THSD1: variants seen among roughly 807,000 people sequenced by gnomAD.
The protein encoded by THSD1 is thrombospondin type-1 domain-containing protein 1.
THSD1 carries 34 observed loss-of-function variants against 46.3 expected under a neutral mutation model. The observed-to-expected ratio is 0.74, with a 90% CI of 0.56 to 0.98. THSD1 has a LOEUF of 0.98. Among genes scored for constraint, THSD1 ranks in the 50% least tolerant of loss-of-function variants. The probability of loss-of-function intolerance (pLI) is 0.00; values close to 1 mark genes in which losing one functional copy is unlikely to be tolerated. For synonymous variants in THSD1, 407 were observed against 416.5 expected (o/e 0.98, Z 0.28); for missense variants, 1,023 against 1,058.3 (o/e 0.97, Z 0.46).
chr13:52,390,819 T>C (rs1395193922), intron 3 of THSD1, among the ~76,000 whole-genome samples: 2 of 152,214 alleles, frequency 1.3e-5, no homozygotes, highest in Non-Finnish European at 2.9e-5. Flanking sequence ...TTGTTGTTCC[T>C]TCTGAACTCT....
chr13:52,402,662 AT>A lies in THSD1; in HGVS notation c.-63del. 3.1e-6 allele frequency: 5 copies of A among 1,596,876 alleles called. No individual in the cohort carries two copies. The highest frequency in any genetic ancestry group is 3.5e-5 in the Admixed American group (2 of 57,864). The stretch of plus-strand genomic sequence containing the variant: ...TGTCCTTTCTCACGTCCAGATTGTG[AT>A]TTTTTTCCCCAAAAACACCTGAAAT... On this transcript the variant is annotated 5_prime_UTR_variant, in exon 2 of 5. Coordinates refer to ENST00000258613, the MANE Select transcript of THSD1 (RefSeq NM_018676.4).
intron 1 of THSD1, among the ~76,000 whole-genome samples, chr13:52,403,647 A>G (rs1179714802): frequency 2.0e-5 from 3 of 152,018 alleles, no homozygotes; most frequent in Admixed American, 2.0e-4. Context: ...ATGCCCAGCT[A>G]ATTTTTGGTA....
intron 3 of THSD1, among the ~76,000 whole-genome samples, chr13:52,394,628 AAG>A (rs1354396191): frequency 1.3e-5 from 2 of 152,094 alleles, no homozygotes; most frequent in Non-Finnish European, 2.9e-5. Context: ...AAAAAAAAAA[AAG>A]AATATCTTAG....
At chr13:52,387,451 A>G (rs1957741066) in intron 3 of THSD1, among the ~76,000 whole-genome samples, 1 of 152,314 alleles carries the variant, frequency 6.6e-6, no homozygotes, top group African/African-American at 2.4e-5. Context: ...AAAAGCAAGG[A>G]AAAAAACCAT....
rs1330363210 is a variant in THSD1, at chr13:52,406,089, G to C, written c.-140C>G. 1 of 152,284 alleles carries C rather than the reference G, an allele frequency of 6.6e-6. No homozygotes were observed. The highest frequency in any genetic ancestry group is 1.5e-5 in the Non-Finnish European group (1 of 68,096). 9.4% of individuals were successfully genotyped at this position (152,284 alleles called of 1,614,324 possible). On this transcript the variant is annotated 5_prime_UTR_variant, in exon 1 of 5. Coordinates refer to ENST00000258613, the MANE Select transcript of THSD1 (RefSeq NM_018676.4). ...TCCGGGCGCGTGGCGAGGCGGACGG[G>C]AAGGCTCAGGGGCGGCGAGGTAGAG...
Position 52,378,341 on chromosome 13 carries a change from T to C in THSD1, c.1629A>G (p.Lys543=). 1 of 1,614,158 alleles carries C rather than the reference T, an allele frequency of 6.2e-7. No homozygotes were observed. The highest frequency in any genetic ancestry group is 1.3e-5 in the African/African-American group (1 of 75,042). ...AQQQLKEMKK[K]GLTETTKVYH... is the part of the protein sequence containing the mutation. The stretch of plus-strand genomic sequence containing the variant: ...ACACTTTGGTAGTTTCCGTCAGACC[T>C]TTCTTTTTCATCTCCTTTAACTGCT... Residue 543 remains lysine, a synonymous_variant, in exon 5 of 5, where the codon AAA becomes AAG. Transcript: ENST00000258613.
Position 52,386,194 on chromosome 13 carries a change from G to T in THSD1, c.1022-8C>A. ...GCCACAGTCCCCAAGTTTCTGCAAG[G>T]ATATAAGTTATGCTTTTAATGCTAG... is the stretch of plus-strand genomic sequence containing the variant. On this transcript the variant is annotated splice_region_variant and splice_polypyrimidine_tract_variant and intron_variant, in intron 3 of 4. Coordinates refer to ENST00000258613, the MANE Select transcript of THSD1 (RefSeq NM_018676.4). The T allele has an allele frequency of 1.2e-6, 2 of 1,612,996 alleles. No individual in the cohort carries two copies. Among genetic ancestry groups the T allele is most frequent in the Non-Finnish European group, 1.7e-6 (2 of 1,179,472 alleles).
intron 4 of THSD1, among the ~76,000 whole-genome samples, chr13:52,382,838 T>C (rs1233628577): frequency 6.6e-6 from 1 of 151,990 alleles, no homozygotes; most frequent in Non-Finnish European, 1.5e-5. Context: ...TCGTCTCTAC[T>C]AAAAATACAA....
intron 3 of THSD1, among the ~76,000 whole-genome samples, chr13:52,391,390 G>T (rs1417003714): frequency 6.6e-6 from 1 of 151,728 alleles, no homozygotes; most frequent in African/African-American, 2.4e-5. Context: ...GCTAATTTTT[G>T]CATTTTCTGT....
Position 52,378,181 on chromosome 13 carries a change from C to A in THSD1, c.1789G>T (p.Val597Phe). The A allele has an allele frequency of 6.2e-7, 1 of 1,614,210 alleles. No individual in the cohort carries two copies. The highest frequency in any genetic ancestry group is 8.5e-7 in the Non-Finnish European group (1 of 1,180,042). The part of the protein sequence containing the change: ...IKSPFPEQPA[V>F]SAGERPPSRL... ...GAGGGAGGCCTTTCCCCGGCACTGA[C>A]CGCGGGCTGCTCCGGAAATGGGGAT... Residue 597 changes from valine to phenylalanine, a missense_variant, in exon 5 of 5, where the codon GTC becomes TTC. Transcript: ENST00000258613.
Position 52,397,794 on chromosome 13 carries a change from T to C in THSD1, c.459A>G (p.Gln153=). ...GTFQVGLFTS[Q]PLCPFPVDKP... is the part of the protein sequence containing the mutation. Reference sequence around the variant, plus strand: ...TGTCCACAGGAAACGGGCACAGTGGTTGACTGGTAAATAGGCCCACTTGGA... The same window carrying C: ...TGTCCACAGGAAACGGGCACAGTGGCTGACTGGTAAATAGGCCCACTTGGA... The change falls in exon 3 of 5, where the codon CAA becomes CAG. Residue 153 remains glutamine, a synonymous_variant. Coordinates refer to ENST00000258613, the MANE Select transcript of THSD1 (RefSeq NM_018676.4). 6.2e-7 allele frequency: 1 copy of C among 1,614,256 alleles called. No homozygotes were observed. The highest frequency in any genetic ancestry group is 2.2e-5 in the East Asian group (1 of 44,892).
At chr13:52,378,866 T>TTC in intron 4 of THSD1, 77 bp from the exon 5 acceptor site, 1 of 1,127,680 alleles carries the variant, frequency 8.9e-7, no homozygotes, top group Non-Finnish European at 1.1e-6. Flanking sequence ...TTCTTTTCTT[T>TTC]TTTTTTTTTT....
At chr13:52,385,734 A>G (rs1335724696) in intron 4 of THSD1, among the ~76,000 whole-genome samples, 1 of 152,068 alleles carries the variant, frequency 6.6e-6, no homozygotes, top group Non-Finnish European at 1.5e-5. Context: ...TCCTTTCCCC[A>G]TTTTTTGCAT....
Position 52,378,096 on chromosome 13 carries a change from A to G in THSD1, c.1874T>C (p.Ile625Thr), listed in dbSNP as rs748025545. ...SCAISPSQTLIRKSQARHVGS... is the reference protein window; with the variant it reads ...SCAISPSQTLTRKSQARHVGS... ...CACGTGCCTTGCCTGTGACTTGCGGATCAGAGTCTGGCTGGGGCTTATGGC... is the reference window on the plus strand; with the variant it reads ...CACGTGCCTTGCCTGTGACTTGCGGGTCAGAGTCTGGCTGGGGCTTATGGC... Residue 625 changes from isoleucine to threonine, a missense_variant, in exon 5 of 5, where the codon ATC becomes ACC. Around this residue, in one of 3 missense-constraint regions of THSD1, gnomAD observed 578 missense variants for 497.4 expected, o/e 1.16. Transcript: ENST00000258613. The G allele has an allele frequency of 1.2e-6, 2 of 1,614,100 alleles. No homozygotes were observed. The highest frequency in any genetic ancestry group is 1.7e-6 in the Non-Finnish European group (2 of 1,180,018).
At chr13:52,379,473 C>CT (rs1163168790) in intron 4 of THSD1, among the ~76,000 whole-genome samples, 74 of 145,382 alleles carry the variant, frequency 5.1e-4, no homozygotes, top group South Asian at 6.6e-4. Context: ...TTTTCTTTTT[C>CT]TTTTTTTTTT....
At chr13:52,390,065 G>A (rs1437424168) in intron 3 of THSD1, among the ~76,000 whole-genome samples, 1 of 151,846 alleles carries the variant, frequency 6.6e-6, no homozygotes, top group East Asian at 1.9e-4. Flanking sequence ...ACCTGAGCCA[G>A]GGGAAGTCGA....
chr13:52,396,466 G>A (rs1421343127), intron 3 of THSD1, among the ~76,000 whole-genome samples: 1 of 152,148 alleles, frequency 6.6e-6, no homozygotes, highest in Non-Finnish European at 1.5e-5. Flanking sequence ...AGCTTGCAGT[G>A]AGCCGAGATC....
Position 52,397,359 on chromosome 13 carries a change from C to T in THSD1, c.894G>A (p.Glu298=), listed in dbSNP as rs1957819652. Residue 298 remains glutamate (E), a synonymous_variant, in exon 3 of 5, where the codon GAG becomes GAA. Coordinates refer to ENST00000258613, the MANE Select transcript of THSD1 (RefSeq NM_018676.4). Reference sequence around the variant, plus strand: ...AAGTACAGTTAAAAATTGTCCTCCTCTCTCCCAGGGGCAGGCTGTTTTCAG... The same window carrying T: ...AAGTACAGTTAAAAATTGTCCTCCTTTCTCCCAGGGGCAGGCTGTTTTCAG... The part of the protein sequence containing the change: ...HLAENSLPLG[E]RRTIFNCTLF... 2 of 1,614,066 alleles carry T rather than the reference C, an allele frequency of 1.2e-6. No individual in the cohort carries two copies. The highest frequency in any genetic ancestry group is 1.3e-5 in the African/African-American group (1 of 74,922).
chr13:52,398,279 A>G (rs1220172104), intron 2 of THSD1, 85 bp from the exon 3 acceptor site: 4 of 1,508,118 alleles, frequency 2.7e-6, no homozygotes, highest in Admixed American at 2.2e-5. Context: ...GAATTTTTAA[A>G]TTTTTTTTTG....
Sources: gnomAD v4.1 joint callset for allele counts (sites outside exome capture counted in the v4.1 genomes callset) on GRCh38, gnomAD v4.1.1 for gene constraint, gnomAD v4.1.1 regional missense constraint, MANE v1.5 for transcripts, NCBI Gene and HGNC (gene_info 2026-07-23, HGNC 2026-07-21) for gene names.